Variants in ADAM17 observed in about 807,000 individuals in gnomAD.
ADAM17 encodes ADAM metallopeptidase domain 17.
A neutral mutation model predicts 96.7 loss-of-function variants in ADAM17; 39 were observed. That is an observed-to-expected ratio of 0.40 (90% CI 0.31 to 0.53). The LOEUF is 0.53. ADAM17 is among the 20% of genes least tolerant of loss of function. The pLI is 0.44. For synonymous variants in ADAM17, 344 were observed against 359.2 expected (o/e 0.96, Z 0.48); for missense variants, 777 against 1,013.2 (o/e 0.77, Z 3.17).
At chr2:9,523,219 G>A in intron 7 of ADAM17, 30 bp downstream of exon 7, 1 of 1,487,122 alleles carries the variant, frequency 6.7e-7, no homozygotes, top group Non-Finnish European at 9.2e-7. Flanking sequence ...CAAAACTTAA[G>A]TAATATAAGC....
chr2:9,531,383 T>C (rs972844739), intron 4 of ADAM17, among the ~76,000 whole-genome samples: 2 of 151,242 alleles, frequency 1.3e-5, no homozygotes, highest in African/African-American at 2.4e-5. Flanking sequence ...CTCACTAACA[T>C]GGTGAAACCC....
intron 10 of ADAM17, among the ~76,000 whole-genome samples, chr2:9,514,316 T>G (rs537406686): frequency 1.7e-5 from 2 of 116,302 alleles, no homozygotes; most frequent in Admixed American, 2.5e-4. Flanking sequence ...ATGAGAACAC[T>G]TGGACACAGG....
Position 9,530,760 on chromosome 2 carries a change from C to T in ADAM17, c.451-2806G>A, listed in dbSNP as rs1354731749. Among the ~76,000 whole-genome samples, 3 of 152,098 alleles carry T rather than the reference C, an allele frequency of 2.0e-5. No homozygotes were observed. The East Asian group carries it at 5.8e-4, about 29-fold the overall frequency. ...AGCTATAGAAAAGAGTGCCTTTATT[C>T]CTAAGGATGCATACAGAAGTATTTA... On this transcript the variant is annotated intron_variant, in intron 4 of 18. Coordinates refer to ENST00000310823, the MANE Select transcript of ADAM17 (RefSeq NM_003183.6).
chr2:9,526,259 T>C lies in ADAM17; in HGVS notation c.620-15A>G. ...ATGAACAAGCTCTAATATGAATTTG[T>C]ATGCACTATTAAATCAAAATTCACC... On this transcript the variant is annotated splice_polypyrimidine_tract_variant and intron_variant, in intron 5 of 18. Coordinates refer to ENST00000310823, the MANE Select transcript of ADAM17 (RefSeq NM_003183.6). 1.2e-6 allele frequency: 2 copies of C among 1,607,664 alleles called. No homozygotes were observed. The highest frequency in any genetic ancestry group is 2.2e-5 in the South Asian group (2 of 89,482).
At position 9,490,167 on chromosome 2, in the gene ADAM17, G is replaced by A. The variant is rs763335447; in HGVS notation, c.*10C>T. The A allele has an allele frequency of 6.3e-7, 1 of 1,582,326 alleles. No homozygotes were observed. Among genetic ancestry groups the A allele is most frequent in the Non-Finnish European group, 8.6e-7 (1 of 1,156,454 alleles). Reference sequence around the variant, plus strand: ...TTTGCACACTTAAGTCAGAAGAGCTGAGAACTAAATTAGCACTCTGTTTCT... The same window carrying A: ...TTTGCACACTTAAGTCAGAAGAGCTAAGAACTAAATTAGCACTCTGTTTCT... On this transcript the variant is annotated 3_prime_UTR_variant, in exon 19 of 19. Transcript: ENST00000310823.
chr2:9,553,886 AC>A (rs1665660160), intron 1 of ADAM17, among the ~76,000 whole-genome samples: 1 of 151,286 alleles, frequency 6.6e-6, no homozygotes, highest in East Asian at 2.0e-4. Flanking sequence ...ACATGGTGAA[AC>A]CCCGTCTCTA....
intron 10 of ADAM17, among the ~76,000 whole-genome samples, chr2:9,515,001 T>C (rs1284356905): frequency 6.6e-6 from 1 of 152,208 alleles, no homozygotes; most frequent in Non-Finnish European, 1.5e-5. Context: ...GCTGGGACTA[T>C]AGGCTCCTGC....
intron 13 of ADAM17, among the ~76,000 whole-genome samples, chr2:9,499,829 C>T (rs1231572995): frequency 6.6e-6 from 1 of 152,192 alleles, no homozygotes; most frequent in Non-Finnish European, 1.5e-5. Context: ...CAACTTCATT[C>T]ACTAGGTCCC....
At position 9,508,636 on chromosome 2, in the gene ADAM17, TAGAA is replaced by T. The variant is rs1295266053; in HGVS notation, c.1344+1339_1344+1342del. Among the ~76,000 whole-genome samples, 19 of 152,316 alleles carry T rather than the reference TAGAA, an allele frequency of 1.2e-4. No individual in the cohort carries two copies. The East Asian group carries it at 2.3e-3, about 19-fold the overall frequency. ...AACATTATTAAAAATTTAAATAAAA[TAGAA>T]TTTACAATTCAGTTCCTCAGTTTCT... On this transcript the variant is annotated intron_variant, in intron 11 of 18. Transcript: ENST00000310823.
Position 9,505,667 on chromosome 2 carries a change from A to G in ADAM17, c.1345-302T>C, listed in dbSNP as rs73913119. On this transcript the variant is annotated intron_variant, in intron 11 of 18. Coordinates refer to ENST00000310823, the MANE Select transcript of ADAM17 (RefSeq NM_003183.6). ...CATCCCAGTCAAAGCCCACTTAAGG[A>G]CAAGCAGAATAGCACAACAGAGAGC... 2.6e-3 allele frequency: 970 copies of G among 366,482 alleles called. 7 individuals are homozygous for G. Among genetic ancestry groups the G allele is most frequent in the African/African-American group, 0.019 (926 of 48,170 alleles). 22.7% of individuals were successfully genotyped at this position (366,482 alleles called of 1,614,324 possible).
intron 16 of ADAM17, 57 bp downstream of exon 16, chr2:9,493,690 A>C: frequency 6.9e-7 from 1 of 1,459,022 alleles, no homozygotes; most frequent in Non-Finnish European, 9.6e-7. Flanking sequence ...ACACTTTTCT[A>C]ATGTCATCAC....
chr2:9,511,323 G>A (rs765922095), intron 10 of ADAM17, among the ~76,000 whole-genome samples: 3 of 152,150 alleles, frequency 2.0e-5, no homozygotes, highest in African/African-American at 4.8e-5. Context: ...GGTGGCGCAC[G>A]CCTGTAATCC....
At chr2:9,529,022 T>C (rs868207582) in intron 4 of ADAM17, among the ~76,000 whole-genome samples, 10 of 152,054 alleles carry the variant, frequency 6.6e-5, no homozygotes, top group African/African-American at 1.7e-4. Context: ...CAAATGTCCA[T>C]CAACAACTAA....
At chr2:9,525,496 A>G (rs1319666273) in intron 6 of ADAM17, among the ~76,000 whole-genome samples, 2 of 152,188 alleles carry the variant, frequency 1.3e-5, no homozygotes, top group Non-Finnish European at 2.9e-5. Context: ...CCAAGTAATC[A>G]TGACGAATGA....
intron 1 of ADAM17, 78 bp from the exon 2 acceptor site, chr2:9,543,363 C>T (rs1225528799): frequency 7.9e-6 from 10 of 1,267,568 alleles, no homozygotes; most frequent in Non-Finnish European, 1.0e-5. Flanking sequence ...GAGTGCCAGA[C>T]AATAAATCTT....
chr2:9,515,537 G>C (rs1014576397), intron 10 of ADAM17, among the ~76,000 whole-genome samples: 5 of 151,960 alleles, frequency 3.3e-5, no homozygotes, highest in Non-Finnish European at 7.4e-5. Context: ...AGGAGTTCGA[G>C]ACCAGCCTGG....
chr2:9,490,536 CAATT>C lies in ADAM17; in HGVS notation c.2134-22_2134-19del. 1 of 1,599,264 alleles carries C rather than the reference CAATT, an allele frequency of 6.3e-7. No homozygotes were observed. The highest frequency in any genetic ancestry group is 8.5e-7 in the Non-Finnish European group (1 of 1,170,428). ...TCGACGTTCTGCAAAGACATGGGTT[CAATT>C]GATTGATAGGAATAAAAGATGAATC... is the stretch of plus-strand genomic sequence containing the variant. On this transcript the variant is annotated intron_variant, in intron 18 of 18. Transcript: ENST00000310823.
At chr2:9,512,594 G>A (rs1435838457) in intron 10 of ADAM17, among the ~76,000 whole-genome samples, 1 of 152,058 alleles carries the variant, frequency 6.6e-6, no homozygotes, top group Non-Finnish European at 1.5e-5. Context: ...ATCTGATTGT[G>A]GGTCCAGAGA....
In ADAM17 at chr2:9,494,640, C is replaced by T. The variant is rs1476987098; in HGVS notation, c.1911G>A (p.Met637Ile). The T allele has an allele frequency of 6.2e-7, 1 of 1,613,924 alleles. No individual in the cohort carries two copies. The highest frequency in any genetic ancestry group is 1.7e-5 in the Admixed American group (1 of 59,998). ...GKPCTVGFCD[M>I]NGKCEKRVQD... ...AAAGCTGTACATAAATACTCACATT[C>T]ATGTCACAAAATCCTACTGTACAGG... The change falls in exon 15 of 19, where the codon ATG becomes ATA. Residue 637 changes from methionine to isoleucine, a missense_variant. Coordinates refer to ENST00000310823, the MANE Select transcript of ADAM17 (RefSeq NM_003183.6).
Sources: allele counts gnomAD v4.1 joint callset (sites outside exome capture counted in the v4.1 genomes callset), GRCh38; gene constraint gnomAD v4.1.1; transcripts MANE v1.5; gene names NCBI Gene and HGNC (gene_info 2026-07-23, HGNC 2026-07-21).